USH1C: variants seen among roughly 807,000 people sequenced by gnomAD.
USH1C encodes the protein harmonin.
A neutral mutation model predicts 119.3 loss-of-function variants in USH1C; 90 were observed. That is an observed-to-expected ratio of 0.75 (90% CI 0.64 to 0.90). The LOEUF is 0.90. Among genes scored for constraint, USH1C ranks in the 40% least tolerant of loss-of-function variants. The pLI, the probability that USH1C is intolerant of heterozygous loss-of-function variation, is 0.00. For missense variants in USH1C, 1,165 were observed against 1,167.7 expected, an observed-to-expected ratio of 1.00 and a Z score of 0.03; for synonymous variants, 465 against 443.3, an observed-to-expected ratio of 1.05 and a Z score of -0.62.
rs374451418 is a variant in USH1C at position 17,509,308 on chromosome 11, C to T, written c.2013+48G>A. 13 of 1,521,326 alleles carry T rather than the reference C, an allele frequency of 8.5e-6. 1 individual carries two copies. The African/African-American group carries it at 1.7e-4, about 19-fold the overall frequency. 94.2% of individuals were successfully genotyped at this position (1,521,326 alleles called of 1,614,324 possible). On this transcript the variant is annotated intron_variant, in intron 18 of 26. Coordinates refer to ENST00000005226, the MANE Select transcript of USH1C (RefSeq NM_153676.4). ...GGAGGACATGGGAAACAGCAGTTCT[C>T]CCCACTCTTCCTACTTCCAAACATA...
intron 14 of USH1C, among the ~76,000 whole-genome samples, chr11:17,516,793 C>A (rs1033000304): frequency 1.3e-5 from 2 of 152,214 alleles, no homozygotes; most frequent in African/African-American, 4.8e-5. Context: ...AAGTCCTCCG[C>A]TTTCAACATT....
chr11:17,501,980 C>A lies in USH1C; in HGVS notation c.2185G>T (p.Asp729Tyr), dbSNP rs1849465083. 1 of 1,613,562 alleles carries A rather than the reference C, an allele frequency of 6.2e-7. No individual in the cohort carries two copies. Among genetic ancestry groups the A allele is most frequent in the Non-Finnish European group, 8.5e-7 (1 of 1,179,768 alleles). Residue 729 changes from aspartate (D) to tyrosine (Y), a missense_variant and splice_region_variant, in exon 21 of 27, where the codon GAT (aspartate) becomes TAT (tyrosine). Asp to Tyr is a radical substitution (Grantham distance 160, BLOSUM62 -3). Transcript: ENST00000005226. The stretch of plus-strand genomic sequence containing the variant: ...AAGCCTTCCTCATATTTCCGGAAAT[C>A]CTGGAAGCAAAGGGAGGGCTTTAGG... ...MVVYQTAFRQ[D>Y]FRKYEEGFDP...
intron 12 of USH1C, among the ~76,000 whole-genome samples, chr11:17,522,402 T>C (rs1369769382): frequency 6.6e-6 from 1 of 152,058 alleles, no homozygotes; most frequent in Non-Finnish European, 1.5e-5. Flanking sequence ...GGGTTAATAC[T>C]CTCTACCTCC....
chr11:17,518,327 G>A (rs1358025815), intron 14 of USH1C, among the ~76,000 whole-genome samples: 5 of 152,328 alleles, frequency 3.3e-5, no homozygotes, highest in South Asian at 4.1e-4. Flanking sequence ...CTTCCAAATC[G>A]TGGGGTCTCT....
chr11:17,496,876 C>T (rs1849268829), intron 24 of USH1C, 63 bp from the exon 25 acceptor site: 1 of 1,591,552 alleles, frequency 6.3e-7, no homozygotes, highest in African/African-American at 1.3e-5. Context: ...TGCCCCGGCA[C>T]TCCATCCCCA....
rs1317575673 is a variant in USH1C at position 17,523,400 on chromosome 11, G to A, written c.819+19C>T. The A allele has an allele frequency of 6.2e-7, 1 of 1,614,162 alleles. No individual in the cohort carries two copies. The highest frequency in any genetic ancestry group is 2.2e-5 in the East Asian group (1 of 44,872). On this transcript the variant is annotated intron_variant, in intron 10 of 26. Coordinates refer to ENST00000005226, the MANE Select transcript of USH1C (RefSeq NM_153676.4). ...GTGGAGATGACAAGGGCCAACAGGTGAAGACCCCCACATCTCACCTCCTTG... is the reference window on the plus strand; with the variant it reads ...GTGGAGATGACAAGGGCCAACAGGTAAAGACCCCCACATCTCACCTCCTTG...
chr11:17,510,672 T>A (rs1160388719), intron 16 of USH1C, 151 bp from the exon 17 acceptor site: 6 of 700,814 alleles, frequency 8.6e-6, no homozygotes, highest in Non-Finnish European at 1.3e-5. Flanking sequence ...TTGTTCCAAC[T>A]GGCCCTCAAG....
At chr11:17,543,684 G>A (rs1285371592) in intron 1 of USH1C, among the ~76,000 whole-genome samples, 1 of 152,168 alleles carries the variant, frequency 6.6e-6, no homozygotes, top group African/African-American at 2.4e-5. Flanking sequence ...CCAGAGCCCA[G>A]CTCCGACGCC....
chr11:17,534,188 G>A (rs532392280), intron 1 of USH1C, among the ~76,000 whole-genome samples: 2 of 152,320 alleles, frequency 1.3e-5, no homozygotes, highest in African/African-American at 4.8e-5. Flanking sequence ...CCAGCCTCCC[G>A]GCCCAGGGCC....
intron 14 of USH1C, chr11:17,516,527 T>C: frequency 1.8e-6 from 1 of 556,402 alleles, no homozygotes; most frequent in South Asian, 1.9e-5. Context: ...CCTGGGTCAC[T>C]CTCAAATGCC....
intron 1 of USH1C, among the ~76,000 whole-genome samples, chr11:17,537,917 C>A (rs1851293479): frequency 6.6e-6 from 1 of 152,194 alleles, no homozygotes; most frequent in Non-Finnish European, 1.5e-5. Flanking sequence ...AGAATTGAGA[C>A]CCCAACCTAT....
intron 23 of USH1C, among the ~76,000 whole-genome samples, chr11:17,500,203 C>T (rs1849384150): frequency 6.6e-6 from 1 of 152,210 alleles, no homozygotes; most frequent in African/African-American, 2.4e-5. Flanking sequence ...AAGAGAGACA[C>T]AGGGTATGGG....
Position 17,509,785 on chromosome 11 carries a change from G to A in USH1C, c.1584C>T (p.Pro528=), listed in dbSNP as rs1849802176. The A allele has an allele frequency of 1.9e-6, 3 of 1,601,842 alleles. No homozygotes were observed. Among genetic ancestry groups the A allele is most frequent in the Admixed American group, 3.3e-5 (2 of 59,960 alleles). ...GCAGTCCGCCTGCGAAGCGTCTCAA[G>A]GGTGGGGCCAGGGGAGACACAGAAG... ...PPPSVSPLAP[P]LRRFAGGLHL... Residue 528 remains proline (P), a synonymous_variant, in exon 18 of 27, where the codon CCC becomes CCT. Coordinates refer to ENST00000005226, the MANE Select transcript of USH1C (RefSeq NM_153676.4).
chr11:17,502,106 G>T, intron 20 of USH1C, 126 bp from the exon 21 acceptor site: 7 of 957,174 alleles, frequency 7.3e-6, no homozygotes, highest in Non-Finnish European at 9.4e-6. Context: ...GAGAAGGCAC[G>T]GCCAGGGTAC....
chr11:17,495,232 T>G, intron 26 of USH1C: 3 of 375,842 alleles, frequency 8.0e-6, no homozygotes, highest in Non-Finnish European at 1.5e-5. Flanking sequence ...GTTCGAGGCA[T>G]TGTCTGTGTC....
chr11:17,503,747 C>T (rs1421687548), intron 20 of USH1C, among the ~76,000 whole-genome samples: 6 of 152,210 alleles, frequency 3.9e-5, no homozygotes, highest in Admixed American at 1.3e-4. Context: ...GCTGTGCCAT[C>T]GTGGGCACAT....
intron 25 of USH1C, among the ~76,000 whole-genome samples, chr11:17,495,905 G>T (rs1849233345): frequency 6.6e-6 from 1 of 152,000 alleles, no homozygotes; most frequent in Admixed American, 6.5e-5. Flanking sequence ...GGCAGGGCAT[G>T]GTCAGTGAGT....
intron 25 of USH1C, 112 bp downstream of exon 25, chr11:17,496,646 G>T: frequency 1.5e-6 from 2 of 1,326,220 alleles, no homozygotes; most frequent in Non-Finnish European, 2.2e-6. Context: ...GAAGCTGCGT[G>T]CTTGGGCCAT....
Position 17,501,682 on chromosome 11 carries a change from T to G in USH1C, c.2227-147A>C, listed in dbSNP as rs576018274. The G allele has an allele frequency of 7.2e-5, 74 of 1,024,220 alleles. No individual in the cohort carries two copies. In the African/African-American group the frequency reaches 9.4e-4, roughly 13 times the overall value. The allele number at this position is 1,024,220 out of a possible 1,614,324, so 63.4% of individuals were successfully genotyped here. A position where few individuals can be genotyped will look rare whatever the true frequency, so the allele number is the denominator to read the frequency against. ...GGACCGTGCCCAGCCCCACCCCTAC[T>G]GGTCTTCAACTGGGGGTCCCAGGCC... is the stretch of plus-strand genomic sequence containing the variant. On this transcript the variant is annotated intron_variant, in intron 21 of 26. Transcript: ENST00000005226.
Sources: gnomAD v4.1 joint callset for allele counts (sites outside exome capture counted in the v4.1 genomes callset) on GRCh38, gnomAD v4.1.1 for gene constraint, MANE v1.5 for transcripts, NCBI Gene and HGNC (gene_info 2026-07-23, HGNC 2026-07-21) for gene names.